The following MC2R variants were observed in gnomAD, a reference collection of about 807,000 sequenced individuals.
MC2R encodes the protein melanocortin 2 receptor.
A neutral mutation model predicts 9.8 loss-of-function variants in MC2R; 9 were observed. The observed-to-expected ratio is 0.92, with a 90% confidence interval of 0.55 to 1.60. The LOEUF is 1.60. Among genes scored for constraint, MC2R ranks in the 40% most tolerant of loss-of-function variants. The pLI is 0.00. For missense variants in MC2R, 370 were observed against 389.0 expected (o/e 0.95, Z 0.41); for synonymous variants, 185 against 154.7 (o/e 1.20, Z -1.45).
At chr18:13,902,197 C>T (rs1207159680) in intron 1 of MC2R, among the ~76,000 whole-genome samples, 1 of 152,070 alleles carries the variant, frequency 6.6e-6, no homozygotes, top group Non-Finnish European at 1.5e-5. Flanking sequence ...TAAAATCCAA[C>T]ATCTCTTTAT....
At chr18:13,904,380 C>CAAAAAAAA in intron 1 of MC2R, among the ~76,000 whole-genome samples, 1 of 94,992 alleles carries the variant, frequency 1.1e-5, no homozygotes, top group African/African-American at 3.5e-5. Context: ...GACCCCGTCT[C>CAAAAAAAA]AAAAAAAAAA....
At chr18:13,903,444 G>A (rs7232980) in intron 1 of MC2R, among the ~76,000 whole-genome samples, 73,925 of 152,052 alleles carry the variant, frequency 0.49, 18,394 homozygotes, top group Middle Eastern at 0.61. Flanking sequence ...AGCAACCTAA[G>A]TGTTCATCAA....
rs564058166 is a variant in MC2R at position 13,885,540 on chromosome 18, C to G, written c.-22G>C. On this transcript the variant is annotated 5_prime_UTR_variant, in exon 2 of 2. Coordinates refer to ENST00000327606, the MANE Select transcript of MC2R (RefSeq NM_000529.2). ...TCATTTCTCCTGCTTGTGGTTAAGG[C>G]GGGGATGTTACTTGGACTTGACTTC... 6.2e-7 allele frequency: 1 copy of G among 1,613,820 alleles called. No individual in the cohort carries two copies. Among genetic ancestry groups the G allele is most frequent in the East Asian group, 2.2e-5 (1 of 44,874 alleles).
chr18:13,904,604 T>G (rs1335791308), intron 1 of MC2R, among the ~76,000 whole-genome samples: 1 of 111,804 alleles, frequency 8.9e-6, no homozygotes, highest in African/African-American at 3.9e-5. Context: ...TGCTACCTGA[T>G]TTCAAACTAT....
In MC2R at chr18:13,885,372, C is replaced by T. The variant is rs1410139847; in HGVS notation, c.147G>A (p.Val49=). The T allele has an allele frequency of 3.1e-6, 5 of 1,614,200 alleles. No homozygotes were observed. Among genetic ancestry groups the T allele is most frequent in the East Asian group, 2.2e-5 (1 of 44,878 alleles). The change falls in exon 2 of 2, where the codon GTG becomes GTA. Residue 49 remains valine, a synonymous_variant. Coordinates refer to ENST00000327606, the MANE Select transcript of MC2R (RefSeq NM_000529.2). ...GTGCCTGGAGATTCTTATTCTTGAA[C>T]ACAGCCAGCAGGACGATCAGATTCT... ...VLENLIVLLA[V]FKNKNLQAPM...
chr18:13,904,297 C>T (rs1026113580), intron 1 of MC2R, among the ~76,000 whole-genome samples: 76 of 148,966 alleles, frequency 5.1e-4, no homozygotes, highest in African/African-American at 1.9e-3. Context: ...AGGAGAATGG[C>T]GTGAACCCGG....
At chr18:13,891,873 T>A (rs1355713958) in intron 1 of MC2R, among the ~76,000 whole-genome samples, 3 of 152,206 alleles carry the variant, frequency 2.0e-5, no homozygotes, top group Non-Finnish European at 4.4e-5. Context: ...CTGTCTTTAT[T>A]ACTGATTAGT....
intron 1 of MC2R, among the ~76,000 whole-genome samples, chr18:13,893,893 G>A (rs1295925613): frequency 6.6e-6 from 1 of 152,210 alleles, no homozygotes; most frequent in Non-Finnish European, 1.5e-5. Flanking sequence ...ATGGAAAGGA[G>A]CTGAATCTGT....
In MC2R at chr18:13,890,521, G is replaced by A. The variant is rs958779524; in HGVS notation, c.-128-4875C>T. 2.6e-5 allele frequency among the ~76,000 whole-genome samples: 4 copies of A among 152,280 alleles called. No individual in the cohort carries two copies. In the East Asian group the frequency reaches 7.7e-4, roughly 29 times the overall value. On this transcript the variant is annotated intron_variant, in intron 1 of 1. Coordinates refer to ENST00000327606, the MANE Select transcript of MC2R (RefSeq NM_000529.2). ...GGGTTCTGGTGGTGGGAGCTGTCAC[G>A]CGGCTGGGGCTGATCTGCACGTGTC...
rs104894658 is a variant in MC2R, at chr18:13,885,298, C to A, written c.221G>T (p.Ser74Ile). The change falls in exon 2 of 2, where the codon AGC becomes ATC. Residue 74 changes from serine to isoleucine, a missense_variant. By Grantham distance (142) the Ser-to-Ile change is moderately radical. Coordinates refer to ENST00000327606, the MANE Select transcript of MC2R (RefSeq NM_000529.2). Reference sequence around the variant, plus strand: ...GATATTTTCCAAGATCTTATATAGGCTGCCCAGCATATCAGATATGGCCAA... The same window carrying A: ...GATATTTTCCAAGATCTTATATAGGATGCCCAGCATATCAGATATGGCCAA... ...CSLAISDMLG[S>I]LYKILENILI... 740 of 1,614,020 alleles carry A rather than the reference C, an allele frequency of 4.6e-4. 1 individual carries two copies. Among genetic ancestry groups the A allele is most frequent in the Non-Finnish European group, 5.9e-4 (695 of 1,180,032 alleles).
chr18:13,911,891 G>A (rs990713789), intron 1 of MC2R, among the ~76,000 whole-genome samples: 3 of 152,144 alleles, frequency 2.0e-5, no homozygotes, highest in Non-Finnish European at 4.4e-5. Context: ...AGGAAACACC[G>A]TACTGCCTAT....
chr18:13,889,245 C>G (rs761887687), intron 1 of MC2R, among the ~76,000 whole-genome samples: 1 of 152,126 alleles, frequency 6.6e-6, no homozygotes, highest in Non-Finnish European at 1.5e-5. Context: ...ACTCCTGGCC[C>G]GAAGACCAAG....
chr18:13,903,888 A>C (rs1378559307), intron 1 of MC2R, among the ~76,000 whole-genome samples: 1 of 152,202 alleles, frequency 6.6e-6, no homozygotes, highest in East Asian at 1.9e-4. Flanking sequence ...ATGAAAATGC[A>C]GTTTTAATAT....
At chr18:13,906,880 C>T (rs1291225980) in intron 1 of MC2R, among the ~76,000 whole-genome samples, 1 of 152,072 alleles carries the variant, frequency 6.6e-6, no homozygotes, top group Non-Finnish European at 1.5e-5. Flanking sequence ...GAAGAGGACA[C>T]CATAAAACAG....
At chr18:13,913,762 C>A (rs2045460365) in intron 1 of MC2R, among the ~76,000 whole-genome samples, 1 of 152,322 alleles carries the variant, frequency 6.6e-6, no homozygotes, top group Admixed American at 6.5e-5. Context: ...GCCCCCGCAT[C>A]CCAAGGGAGC....
intron 1 of MC2R, among the ~76,000 whole-genome samples, chr18:13,913,797 C>T (rs891964597): frequency 5.1e-4 from 78 of 152,288 alleles, no homozygotes; most frequent in African/African-American, 1.8e-3. Context: ...CGTCTATGCA[C>T]CTGTAGCTGT....
intron 1 of MC2R, among the ~76,000 whole-genome samples, chr18:13,910,267 C>T (rs1157287436): frequency 6.6e-6 from 1 of 152,124 alleles, no homozygotes; most frequent in South Asian, 2.1e-4. Context: ...CTTACTGTTT[C>T]ATTGATCTAT....
At chr18:13,896,569 T>C (rs911663328) in intron 1 of MC2R, among the ~76,000 whole-genome samples, 1 of 152,252 alleles carries the variant, frequency 6.6e-6, no homozygotes, top group South Asian at 2.1e-4. Context: ...CTATGATTTA[T>C]TTACATTTAA....
intron 1 of MC2R, among the ~76,000 whole-genome samples, chr18:13,914,790 G>C (rs978730368): frequency 6.6e-5 from 10 of 152,210 alleles, no homozygotes; most frequent in African/African-American, 2.4e-4. Context: ...CCCCCCGACA[G>C]AGCCAGCCAA....
Sources: gnomAD v4.1 joint callset for allele counts (sites outside exome capture counted in the v4.1 genomes callset) on GRCh38, gnomAD v4.1.1 for gene constraint, MANE v1.5 for transcripts, NCBI Gene and HGNC (gene_info 2026-07-23, HGNC 2026-07-21) for gene names.